Variants in UGT1A7 observed in about 807,000 individuals in gnomAD.
UGT1A7 encodes UDP-glucuronosyltransferase 1A7.
UGT1A7 carries 33 observed loss-of-function variants against 45.6 expected under a neutral mutation model. The ratio of observed to expected loss-of-function variants is 0.72; its 90% CI spans 0.55 to 0.97. UGT1A7 has a LOEUF of 0.97. Ranked by LOEUF, UGT1A7 falls within the 50% of genes least tolerant of loss-of-function variation. The probability of loss-of-function intolerance (pLI) is 0.00; values close to 1 mark genes in which losing one functional copy is unlikely to be tolerated. For synonymous variants in UGT1A7, 274 were observed against 250.6 expected, an observed-to-expected ratio of 1.09 and a Z score of -0.88; for missense variants, 684 against 666.2, an observed-to-expected ratio of 1.03 and a Z score of -0.29.
intron 1 of UGT1A7, among the ~76,000 whole-genome samples, chr2:233,731,288 T>C (rs1332920122): frequency 3.9e-5 from 6 of 151,912 alleles, no homozygotes; most frequent in Non-Finnish European, 5.9e-5. Context: ...TTCTTTCTTT[T>C]TTTTTTTTTT....
At chr2:233,741,626 G>C (rs997188188) in intron 1 of UGT1A7, 2 of 151,868 alleles carry the variant, frequency 1.3e-5, no homozygotes, top group African/African-American at 4.9e-5. Flanking sequence ...GACCCCATGA[G>C]CCCCTGTGGG....
intron 1 of UGT1A7, among the ~76,000 whole-genome samples, chr2:233,717,043 C>A (rs2076542860): frequency 6.6e-6 from 1 of 152,158 alleles, no homozygotes; most frequent in Non-Finnish European, 1.5e-5. Context: ...ATACATGGGC[C>A]TCCGCAGGGT....
At chr2:233,754,297 C>G (rs1695445363) in intron 1 of UGT1A7, 1 of 235,612 alleles carries the variant, frequency 4.2e-6, no homozygotes, top group Non-Finnish European at 8.4e-6. Flanking sequence ...TGTCCTAGCA[C>G]TAGGAAATAA....
At chr2:233,749,453 C>T (rs1313864160) in intron 1 of UGT1A7, among the ~76,000 whole-genome samples, 3 of 151,804 alleles carry the variant, frequency 2.0e-5, no homozygotes, top group Non-Finnish European at 2.9e-5. Flanking sequence ...TGGAGCAGAA[C>T]GAATTGGGAA....
At chr2:233,691,171 C>G in intron 1 of UGT1A7, 1 of 985,720 alleles carries the variant, frequency 1.0e-6, no homozygotes, top group South Asian at 4.7e-5. Flanking sequence ...TGCCTAATGT[C>G]TGCCTGCTCA....
At chr2:233,719,378 G>T in intron 1 of UGT1A7, 1 of 1,613,952 alleles carries the variant, frequency 6.2e-7, no homozygotes, top group Non-Finnish European at 8.5e-7. Flanking sequence ...AGGGCACACA[G>T]TGTCCAAATC....
chr2:233,767,027 G>A lies in UGT1A7; in HGVS notation c.856-7G>A, dbSNP rs753107729. The A allele has an allele frequency of 3.1e-6, 5 of 1,613,804 alleles. No individual in the cohort carries two copies. Among genetic ancestry groups the A allele is most frequent in the Non-Finnish European group, 4.2e-6 (5 of 1,179,992 alleles). On this transcript the variant is annotated splice_region_variant and splice_polypyrimidine_tract_variant and intron_variant, in intron 1 of 4. Coordinates refer to ENST00000373426, the MANE Select transcript of UGT1A7 (RefSeq NM_019077.3). ...AAATTAACTGAAAATTTTTCTTCTG[G>A]CTCTAGGAATTTGAAGCCTACATTA...
At chr2:233,710,173 T>C (rs1247013879) in intron 1 of UGT1A7, among the ~76,000 whole-genome samples, 2 of 152,262 alleles carry the variant, frequency 1.3e-5, no homozygotes, top group Non-Finnish European at 2.9e-5. Context: ...CATTTATTTA[T>C]TGATGGACAT....
At chr2:233,754,114 G>A (rs1442882252) in intron 1 of UGT1A7, among the ~76,000 whole-genome samples, 1 of 152,128 alleles carries the variant, frequency 6.6e-6, no homozygotes, top group Non-Finnish European at 1.5e-5. Flanking sequence ...CCTACATCAC[G>A]AGCATTTATG....
At chr2:233,699,913 C>T (rs905252126) in intron 1 of UGT1A7, among the ~76,000 whole-genome samples, 5 of 152,174 alleles carry the variant, frequency 3.3e-5, no homozygotes, top group Non-Finnish European at 2.9e-5. Flanking sequence ...GTAGGATATA[C>T]GTAGAGGCCA....
In UGT1A7 at chr2:233,772,133, A is replaced by G. The variant is rs1203476934; in HGVS notation, c.1296-129A>G. ...GTATCTAAAAACAACAACAACAACA[A>G]TAATAGAAACAGGTTTCCTTTCCCA... On this transcript the variant is annotated intron_variant, in intron 4 of 4. Coordinates refer to ENST00000373426, the MANE Select transcript of UGT1A7 (RefSeq NM_019077.3). 1.9e-6 allele frequency: 3 copies of G among 1,545,744 alleles called. No homozygotes were observed. In the East Asian group the frequency reaches 7.3e-5, roughly 38 times the overall value.
chr2:233,744,767 T>G (rs1692915618), intron 1 of UGT1A7, among the ~76,000 whole-genome samples: 1 of 151,916 alleles, frequency 6.6e-6, no homozygotes, highest in Non-Finnish European at 1.5e-5. Flanking sequence ...GTTTTAACTT[T>G]GCAAAATTCT....
At chr2:233,742,734 T>C (rs1156368500) in intron 1 of UGT1A7, 3 of 152,940 alleles carry the variant, frequency 2.0e-5, no homozygotes, top group Non-Finnish European at 4.4e-5. Flanking sequence ...GGGATTCAAA[T>C]GTCTGACCTC....
At chr2:233,750,500 A>G (rs1694475449) in intron 1 of UGT1A7, 1 of 152,024 alleles carries the variant, frequency 6.6e-6, no homozygotes, top group South Asian at 2.1e-4. Flanking sequence ...AGGAGGAGCC[A>G]AATGTTAATT....
At chr2:233,757,978 G>A (rs979360381) in intron 1 of UGT1A7, among the ~76,000 whole-genome samples, 2 of 152,062 alleles carry the variant, frequency 1.3e-5, no homozygotes, top group Non-Finnish European at 2.9e-5. Context: ...AGCCCCTAGA[G>A]CACCATCCCC....
At position 233,772,381 on chromosome 2, in the gene UGT1A7, G is replaced by A. The variant is rs150687296; in HGVS notation, c.1415G>A (p.Arg472His). 6.8e-6 allele frequency: 11 copies of A among 1,614,106 alleles called. No individual in the cohort carries two copies. Among genetic ancestry groups the A allele is most frequent in the Middle Eastern group, 1.6e-4 (1 of 6,084 alleles). Residue 472 changes from arginine (R) to histidine (H), a missense_variant, in exon 5 of 5, where the codon CGC becomes CAC. Transcript: ENST00000373426. The stretch of plus-strand genomic sequence containing the variant: ...AGGCACAAGGGCGCGCCACACCTGC[G>A]CCCCGCAGCCCACGACCTCACCTGG... ...VMRHKGAPHL[R>H]PAAHDLTWYQ...
intron 1 of UGT1A7, chr2:233,740,712 A>G (rs1392705535): frequency 6.6e-6 from 1 of 151,804 alleles, no homozygotes; most frequent in Non-Finnish European, 1.5e-5. Context: ...CAAGAGGGTC[A>G]TCTTTGCACC....
At chr2:233,687,528 A>G (rs2074843359) in intron 1 of UGT1A7, among the ~76,000 whole-genome samples, 1 of 150,340 alleles carries the variant, frequency 6.7e-6, no homozygotes, top group African/African-American at 2.5e-5. Context: ...TGACTTGCCC[A>G]AGGTTATGCC....
In UGT1A7 at chr2:233,744,891, T is replaced by C. The variant is rs1270091915; in HGVS notation, c.856-22143T>C. 7.2e-5 allele frequency among the ~76,000 whole-genome samples: 11 copies of C among 151,996 alleles called. No individual in the cohort carries two copies. The East Asian group carries it at 2.1e-3, about 29-fold the overall frequency. On this transcript the variant is annotated intron_variant, in intron 1 of 4. Coordinates refer to ENST00000373426, the MANE Select transcript of UGT1A7 (RefSeq NM_019077.3). ...GGATTAGTTTAGGACAACCCTCCTC[T>C]CCATACCAAAATCTAGATGCTCAAG...
Sources: allele counts gnomAD v4.1 joint callset (sites outside exome capture counted in the v4.1 genomes callset), GRCh38; gene constraint gnomAD v4.1.1; transcripts MANE v1.5; gene names NCBI Gene and HGNC (gene_info 2026-07-23, HGNC 2026-07-21).